The following AHDC1 variants were observed in gnomAD, a reference collection of about 807,000 sequenced individuals.
AHDC1 encodes transcription factor Gibbin.
Under a neutral mutation model 87.9 loss-of-function variants are expected in AHDC1, and 7 were observed. The observed-to-expected ratio is 0.08, with a 90% CI of 0.05 to 0.15. The LOEUF (loss-of-function observed/expected upper bound fraction) is 0.15, where lower values mean the gene tolerates loss of function less well. Among genes scored for constraint, AHDC1 ranks in the 10% least tolerant of loss-of-function variants. AHDC1 has a pLI of 1.00. For synonymous variants in AHDC1, 1,051 were observed against 1,006.8 expected, an observed-to-expected ratio of 1.04 and a Z score of -0.83; for missense variants, 1,841 against 2,253.2, an observed-to-expected ratio of 0.82 and a Z score of 3.70.
rs994888429 is a variant in AHDC1 at position 27,534,468 on chromosome 1, A to C, written c.*492T>G. The C allele has an allele frequency of 1.3e-5, 2 of 151,876 alleles. No individual in the cohort carries two copies. Among genetic ancestry groups the C allele is most frequent in the Admixed American group, 6.6e-5 (1 of 15,248 alleles). 9.4% of individuals were successfully genotyped at this position (151,876 alleles called of 1,614,324 possible). ...GCGAATTTGCACACCACGGGACCAC[A>C]GCAGGTTTACAGAATGCAATATACA... On this transcript the variant is annotated 3_prime_UTR_variant, in exon 9 of 9. Transcript: ENST00000673934.
At chr1:27,588,898 G>T (rs543085760) in intron 3 of AHDC1, among the ~76,000 whole-genome samples, 56 of 152,112 alleles carry the variant, frequency 3.7e-4, no homozygotes, top group Non-Finnish European at 6.3e-4. Flanking sequence ...TCTGCTAGGA[G>T]GGAGTGATTG....
In AHDC1 at chr1:27,560,858, C is replaced by T. The variant is rs192141427; in HGVS notation, c.-628-1975G>A. On this transcript the variant is annotated intron_variant, in intron 3 of 8. Coordinates refer to ENST00000673934, the MANE Select transcript of AHDC1 (RefSeq NM_001371928.1). The surrounding 1 kb of genome is among the most constrained non-coding windows in gnomAD (Gnocchi z 4.1). ...TTGTGAAGGGCTCAGTGTGTGAGTG[C>T]GTGTGTGCATGCATGTGAGATACCC... Among the ~76,000 whole-genome samples the T allele has an allele frequency of 4.6e-5, 7 of 151,496 alleles. No individual in the cohort carries two copies. The highest frequency in any genetic ancestry group is 1.3e-4 in the Admixed American group (2 of 15,208).
intron 3 of AHDC1, among the ~76,000 whole-genome samples, chr1:27,585,038 TG>T (rs1426926596): frequency 4.0e-5 from 6 of 151,832 alleles, no homozygotes; most frequent in African/African-American, 1.4e-4. Context: ...CCGGGTGTGG[TG>T]GCAGGCGCCT....
rs1268700137 is a variant in AHDC1, at chr1:27,562,339, C to A, written c.-628-3456G>T. 6.6e-6 allele frequency among the ~76,000 whole-genome samples: 1 copy of A among 152,140 alleles called. No individual in the cohort carries two copies. Among genetic ancestry groups the A allele is most frequent in the Non-Finnish European group, 1.5e-5 (1 of 68,024 alleles). On this transcript the variant is annotated intron_variant, in intron 3 of 8. Transcript: ENST00000673934. This position sits in a 1 kb window ranked among gnomAD's most constrained non-coding sequence, Gnocchi z 4.4. Reference sequence around the variant, plus strand: ...ATATCCTCCCCGGTGCACTGATCGACTGACTACCTGAGCTCCCGGCCCGCG... The same window carrying A: ...ATATCCTCCCCGGTGCACTGATCGAATGACTACCTGAGCTCCCGGCCCGCG...
rs554952679 is a variant in AHDC1, at chr1:27,584,633, G to A, written c.-629+18764C>T. ...CAACCCTTCCACCTCTCCCATTGGT[G>A]GCCAGCACTGTAGCGGGGTGAGCTG... is the stretch of plus-strand genomic sequence containing the variant. On this transcript the variant is annotated intron_variant, in intron 3 of 8. Coordinates refer to ENST00000673934, the MANE Select transcript of AHDC1 (RefSeq NM_001371928.1). 2.0e-5 allele frequency among the ~76,000 whole-genome samples: 3 copies of A among 152,258 alleles called. No individual in the cohort carries two copies. The South Asian group carries it at 6.2e-4, about 32-fold the overall frequency.
intron 3 of AHDC1, among the ~76,000 whole-genome samples, chr1:27,559,855 T>C (rs1342075446): frequency 2.0e-5 from 3 of 152,186 alleles, no homozygotes; most frequent in African/African-American, 7.2e-5. Context: ...GCCTCACGGA[T>C]TGCTTATAGG....
rs58219407 is a variant in AHDC1, at chr1:27,563,344, G to GAC, written c.-628-4463_-628-4462dup. Among the ~76,000 whole-genome samples the GAC allele has an allele frequency of 0.013, 1,982 of 148,028 alleles. 27 individuals are homozygous for GAC. The highest frequency in any genetic ancestry group is 0.026 in the East Asian group (133 of 5,046). On this transcript the variant is annotated intron_variant, in intron 3 of 8. Transcript: ENST00000673934. This position sits in a 1 kb window ranked among gnomAD's most constrained non-coding sequence, Gnocchi z 6.1. ...CAGAACCTGTCACACAGCTGACCAA[G>GAC]ACACACACACACACACACACACACG... is the stretch of plus-strand genomic sequence containing the variant.
At chr1:27,577,639 C>T (rs998989827) in intron 3 of AHDC1, among the ~76,000 whole-genome samples, 5 of 152,358 alleles carry the variant, frequency 3.3e-5, no homozygotes, top group Admixed American at 3.3e-4. Context: ...CACTCCGCCC[C>T]GGAAACCTGG....
At chr1:27,539,987 C>T (rs866640602) in intron 8 of AHDC1, among the ~76,000 whole-genome samples, 3 of 152,230 alleles carry the variant, frequency 2.0e-5, no homozygotes, top group Admixed American at 6.5e-5. Context: ...CTCTCTCCCC[C>T]ACTCTCCACC....
In AHDC1 at chr1:27,558,549, G is replaced by A. The variant is rs2148332106; in HGVS notation, c.-450-19C>T. On this transcript the variant is annotated intron_variant, in intron 4 of 8. Transcript: ENST00000673934. This position sits in a 1 kb window ranked among gnomAD's most constrained non-coding sequence, Gnocchi z 5.6. ...CCCCTTTCTGGATAATGGGGAGTTT[G>A]AGTAAATGTTGGGTTAATATGTTTT... The A allele has an allele frequency of 5.1e-6, 2 of 392,826 alleles. No individual in the cohort carries two copies. Among genetic ancestry groups the A allele is most frequent in the South Asian group, 1.4e-4 (1 of 6,970 alleles). The allele number at this position is 392,826 out of a possible 1,614,324, so 24.3% of individuals were successfully genotyped here.
Position 27,548,886 on chromosome 1 carries a change from G to C in AHDC1, c.3230C>G (p.Ser1077Cys). The C allele has an allele frequency of 1.2e-6, 2 of 1,611,388 alleles. No homozygotes were observed. The highest frequency in any genetic ancestry group is 1.7e-6 in the Non-Finnish European group (2 of 1,179,160). The change falls in exon 8 of 9, where the codon TCT becomes TGT. Residue 1077 changes from serine to cysteine, a missense_variant. By Grantham distance (112) the Ser-to-Cys change is moderately radical. This residue lies in a region of AHDC1 where 378 missense variants were observed against 399.0 expected (regional missense o/e 0.95). Transcript: ENST00000673934. ...GGCGGCAGAGGCTGCAGAGGTGGCA[G>C]AGGCTGTGGTGCCCTTGGGTACCAT... ...GYMVPKGTTA[S>C]ATSAASAASS...
intron 3 of AHDC1, among the ~76,000 whole-genome samples, chr1:27,597,381 G>A (rs531756064): frequency 1.3e-5 from 2 of 151,872 alleles, no homozygotes; most frequent in East Asian, 3.9e-4. Flanking sequence ...GTGTGTGAGA[G>A]AGAGAGAGAG....
chr1:27,554,938 G>C (rs1211457057), intron 5 of AHDC1, among the ~76,000 whole-genome samples: 39 of 152,324 alleles, frequency 2.6e-4, no homozygotes, highest in Middle Eastern at 3.4e-3. Flanking sequence ...CATGTTACAG[G>C]GGAAACTGGC....
chr1:27,600,059 C>A (rs2089488219), intron 3 of AHDC1, among the ~76,000 whole-genome samples: 1 of 151,970 alleles, frequency 6.6e-6, no homozygotes, highest in Admixed American at 6.6e-5. Flanking sequence ...GGTCCCCGGC[C>A]CCCACCTCCA....
chr1:27,591,801 T>C (rs549533274), intron 3 of AHDC1, among the ~76,000 whole-genome samples: 2 of 152,298 alleles, frequency 1.3e-5, no homozygotes, highest in South Asian at 4.1e-4. Flanking sequence ...ATCTGTAAAA[T>C]GGGGTAATAG....
intron 5 of AHDC1, among the ~76,000 whole-genome samples, chr1:27,557,953 C>G (rs886267301): frequency 1.3e-5 from 2 of 152,216 alleles, no homozygotes; most frequent in African/African-American, 2.4e-5. Flanking sequence ...CATTTACATT[C>G]GGATACACAC....
In AHDC1 at chr1:27,583,924, C is replaced by A. The variant is rs541790319; in HGVS notation, c.-629+19473G>T. On this transcript the variant is annotated intron_variant, in intron 3 of 8. Transcript: ENST00000673934. Reference sequence around the variant, plus strand: ...GCTTCAGCCTCCTCTCTGCCTCCTTCCCAAGCAGTTGTCCCCTCTTTCCAG... The same window carrying A: ...GCTTCAGCCTCCTCTCTGCCTCCTTACCAAGCAGTTGTCCCCTCTTTCCAG... Among the ~76,000 whole-genome samples, 4 of 152,318 alleles carry A rather than the reference C, an allele frequency of 2.6e-5. No homozygotes were observed. The East Asian group carries it at 7.7e-4, about 29-fold the overall frequency.
In AHDC1 at chr1:27,560,051, A is replaced by C. The variant is rs777826407; in HGVS notation, c.-628-1168T>G. The stretch of plus-strand genomic sequence containing the variant: ...GGTACATGTGGGCTTAAGCGTGTCC[A>C]TGTGTGGGATCACGCGTTTGCTCAG... On this transcript the variant is annotated intron_variant, in intron 3 of 8. Coordinates refer to ENST00000673934, the MANE Select transcript of AHDC1 (RefSeq NM_001371928.1). This position sits in a 1 kb window ranked among gnomAD's most constrained non-coding sequence, Gnocchi z 4.1. Among the ~76,000 whole-genome samples the C allele has an allele frequency of 6.6e-6, 1 of 152,100 alleles. No individual in the cohort carries two copies. The highest frequency in any genetic ancestry group is 2.4e-5 in the African/African-American group (1 of 41,392).
chr1:27,593,419 A>C lies in AHDC1; in HGVS notation c.-629+9978T>G, dbSNP rs2089282823. 6.6e-6 allele frequency among the ~76,000 whole-genome samples: 1 copy of C among 152,126 alleles called. No homozygotes were observed. Among genetic ancestry groups the C allele is most frequent in the Non-Finnish European group, 1.5e-5 (1 of 68,000 alleles). On this transcript the variant is annotated intron_variant, in intron 3 of 8. Transcript: ENST00000673934. This position sits in a 1 kb window ranked among gnomAD's most constrained non-coding sequence, Gnocchi z 4.9. ...CACTGCTGCCGCCACCACTACCCCC[A>C]GGCAGGCTGGGACCCAGGTCCCTGG...
Sources: allele counts gnomAD v4.1 joint callset (sites outside exome capture counted in the v4.1 genomes callset), GRCh38; gene constraint gnomAD v4.1.1; regional missense constraint gnomAD v4.1.1; non-coding constraint Gnocchi (gnomAD v3.1); transcripts MANE v1.5; gene names NCBI Gene and HGNC (gene_info 2026-07-23, HGNC 2026-07-21).